The following PRKRA variants were observed in gnomAD, a reference collection of about 807,000 sequenced individuals.
The protein encoded by PRKRA is protein activator of interferon induced protein kinase EIF2AK2.
A neutral mutation model predicts 32.4 loss-of-function variants in PRKRA; 22 were observed. That is an observed-to-expected ratio of 0.68 (90% CI 0.49 to 0.97). The LOEUF (loss-of-function observed/expected upper bound fraction) is 0.97. Ranked by LOEUF, PRKRA falls within the 50% of genes least tolerant of loss-of-function variation. PRKRA has a pLI of 0.00. For synonymous variants in PRKRA, 139 were observed against 129.8 expected (o/e 1.07, Z -0.48); for missense variants, 319 against 375.6 (o/e 0.85, Z 1.25).
chr2:178,449,438 A>C (rs547989926), intron 2 of PRKRA, among the ~76,000 whole-genome samples: 3 of 152,210 alleles, frequency 2.0e-5, no homozygotes, highest in Non-Finnish European at 2.9e-5. Context: ...CTTCCTACTA[A>C]ATTTTTTTCT....
chr2:178,438,884 C>G (rs1170113072), intron 6 of PRKRA: 1 of 152,014 alleles, frequency 6.6e-6, no homozygotes, highest in Non-Finnish European at 1.5e-5. Flanking sequence ...GGGGTTTCAC[C>G]GCGTTAGCCA....
chr2:178,439,480 T>G (rs575148961), intron 6 of PRKRA: 1 of 152,230 alleles, frequency 6.6e-6, no homozygotes, highest in Non-Finnish European at 1.5e-5. Context: ...TCAGTTACCT[T>G]GATGAATTCT....
chr2:178,437,673 A>G (rs1402061770), intron 6 of PRKRA, among the ~76,000 whole-genome samples: 1 of 152,148 alleles, frequency 6.6e-6, no homozygotes, highest in Non-Finnish European at 1.5e-5. Flanking sequence ...TTATACTCCT[A>G]CCAACTGTCT....
chr2:178,431,612 A>G lies in PRKRA; in HGVS notation c.*485T>C, dbSNP rs1454725345. 1 of 171,184 alleles carries G rather than the reference A, an allele frequency of 5.8e-6. No homozygotes were observed. Among genetic ancestry groups the G allele is most frequent in the Non-Finnish European group, 1.3e-5 (1 of 78,072 alleles). The allele number at this position is 171,184 out of a possible 1,614,324, so 10.6% of individuals were successfully genotyped here. On this transcript the variant is annotated 3_prime_UTR_variant, in exon 8 of 8. Coordinates refer to ENST00000325748, the MANE Select transcript of PRKRA (RefSeq NM_003690.5). ...CATCGTAACAGTTCTTTGTTACATG[A>G]ATTCAAATACACAGCAGACCAATCA...
intron 7 of PRKRA, among the ~76,000 whole-genome samples, chr2:178,434,413 CA>C (rs779841334): frequency 1.6e-4 from 24 of 151,434 alleles, no homozygotes; most frequent in Non-Finnish European, 2.7e-4. Flanking sequence ...ACCTGGCCTC[CA>C]GCCTCTTTTC....
At chr2:178,438,681 GT>G (rs1175221285) in intron 6 of PRKRA, among the ~76,000 whole-genome samples, 1,647 of 143,572 alleles carry the variant, frequency 0.011, 23 homozygotes, top group African/African-American at 0.036. Flanking sequence ...ACGCTGGTAG[GT>G]TTTTTTTTTT....
intron 7 of PRKRA, among the ~76,000 whole-genome samples, chr2:178,434,670 C>T (rs1432140500): frequency 6.6e-6 from 1 of 152,120 alleles, no homozygotes; most frequent in African/African-American, 2.4e-5. Flanking sequence ...AGACAATGCA[C>T]TTCACCCGTC....
At position 178,451,154 on chromosome 2, in the gene PRKRA, G is replaced by A; in HGVS notation, c.-124C>T. 5 of 1,170,988 alleles carry A rather than the reference G, an allele frequency of 4.3e-6. No individual in the cohort carries two copies. The highest frequency in any genetic ancestry group is 5.9e-6 in the Non-Finnish European group (5 of 850,920). The allele number at this position is 1,170,988 out of a possible 1,614,324, so 72.5% of individuals were successfully genotyped here. On this transcript the variant is annotated 5_prime_UTR_variant, in exon 1 of 8. Transcript: ENST00000325748. ...ACCTCCTCCGACTCCCCCGCCTCCT[G>A]CTTGCGTTGCTCCAGCGAGGGGGCA...
chr2:178,447,264 C>G (rs1234780876), intron 3 of PRKRA: 3 of 555,718 alleles, frequency 5.4e-6, no homozygotes, highest in Non-Finnish European at 9.2e-6. Context: ...TGTTGTATCC[C>G]ATTAAAAAAA....
chr2:178,432,490 T>C (rs1045269062), intron 7 of PRKRA, among the ~76,000 whole-genome samples: 4 of 152,198 alleles, frequency 2.6e-5, no homozygotes, highest in African/African-American at 9.7e-5. Context: ...CATACAGATA[T>C]CTAGGCTGCA....
chr2:178,431,526 T>C lies in PRKRA; in HGVS notation c.*571A>G, dbSNP rs1464083749. 1.3e-5 allele frequency: 2 copies of C among 155,822 alleles called. No homozygotes were observed. The highest frequency in any genetic ancestry group is 4.8e-5 in the African/African-American group (2 of 41,442). 9.7% of individuals were successfully genotyped at this position (155,822 alleles called of 1,614,324 possible). A position where few individuals can be genotyped will look rare whatever the true frequency, so the allele number is the denominator to read the frequency against. ...ATCAACATTAAAATCTTATTCACAATGGCTAACAAGAACAGGATGACAGTC... is the reference window on the plus strand; with the variant it reads ...ATCAACATTAAAATCTTATTCACAACGGCTAACAAGAACAGGATGACAGTC... On this transcript the variant is annotated 3_prime_UTR_variant, in exon 8 of 8. Coordinates refer to ENST00000325748, the MANE Select transcript of PRKRA (RefSeq NM_003690.5).
At chr2:178,448,878 C>G (rs1458477396) in intron 2 of PRKRA, among the ~76,000 whole-genome samples, 1 of 152,072 alleles carries the variant, frequency 6.6e-6, no homozygotes, top group Non-Finnish European at 1.5e-5. Context: ...GATTGTGGAG[C>G]CTTTACATAG....
At chr2:178,444,751 T>C (rs1697253386) in intron 3 of PRKRA, among the ~76,000 whole-genome samples, 1 of 152,206 alleles carries the variant, frequency 6.6e-6, no homozygotes, top group South Asian at 2.1e-4. Context: ...TGAAACATTA[T>C]AACACATGGT....
At position 178,443,328 on chromosome 2, in the gene PRKRA, T is replaced by C. The variant is rs747906475; in HGVS notation, c.453A>G (p.Gly151=). The change falls in exon 5 of 8, where the codon GGA becomes GGG. Residue 151 remains glycine (G), a synonymous_variant. Coordinates refer to ENST00000325748, the MANE Select transcript of PRKRA (RefSeq NM_003690.5). ...RLPEYTLSQE[G]GPAHKREYTT... Reference sequence around the variant, plus strand: ...TATATTCTCTCTTATGAGCAGGTCCTCCCTCCTGGGAAAGGGTATATTCAG... The same window carrying C: ...TATATTCTCTCTTATGAGCAGGTCCCCCCTCCTGGGAAAGGGTATATTCAG... 8.7e-6 allele frequency: 14 copies of C among 1,613,472 alleles called. No individual in the cohort carries two copies. The highest frequency in any genetic ancestry group is 1.2e-5 in the Non-Finnish European group (14 of 1,179,426).
intron 7 of PRKRA, 150 bp from the exon 8 acceptor site, chr2:178,432,404 AC>A: frequency 2.2e-6 from 2 of 926,410 alleles, no homozygotes; most frequent in Non-Finnish European, 3.4e-6. Context: ...GCTTGTACAA[AC>A]AAAAAACCAC....
chr2:178,450,830 C>A, intron 1 of PRKRA, 136 bp downstream of exon 1: 1 of 1,365,044 alleles, frequency 7.3e-7, no homozygotes, highest in Non-Finnish European at 9.4e-7. Context: ...AGGGCGGGGC[C>A]GAGCACCCAC....
Position 178,431,700 on chromosome 2 carries a change from A to C in PRKRA, c.*397T>G, listed in dbSNP as rs1015786912. On this transcript the variant is annotated 3_prime_UTR_variant, in exon 8 of 8. Coordinates refer to ENST00000325748, the MANE Select transcript of PRKRA (RefSeq NM_003690.5). ...AGGCCTGTTAGTGCTGTCCCTCAAG[A>C]CTCTAATTCTAAAGGGCTTCCTTTG... The C allele has an allele frequency of 1.5e-5, 4 of 265,462 alleles. No homozygotes were observed. Among genetic ancestry groups the C allele is most frequent in the Non-Finnish European group, 2.9e-5 (4 of 136,282 alleles). 16.4% of individuals were successfully genotyped at this position (265,462 alleles called of 1,614,324 possible). A position where few individuals can be genotyped will look rare whatever the true frequency, so the allele number is the denominator to read the frequency against.
chr2:178,434,277 A>C (rs1309293223), intron 7 of PRKRA, among the ~76,000 whole-genome samples: 1 of 151,820 alleles, frequency 6.6e-6, no homozygotes, highest in Middle Eastern at 3.2e-3. Flanking sequence ...TGTCTGGCTA[A>C]TTTTTGTATT....
Position 178,451,018 on chromosome 2 carries a change from T to C in PRKRA, c.13A>G (p.Arg5Gly). Reference sequence around the variant, plus strand: ...AGCGGCGGGGCCTCGGCGCGGTGCCTGCTCTGGGACATGGCGAGAAGGGAC... The same window carrying C: ...AGCGGCGGGGCCTCGGCGCGGTGCCCGCTCTGGGACATGGCGAGAAGGGAC... MSQS[R>G]HRAEAPPLER... Residue 5 changes from arginine to glycine, a missense_variant, in exon 1 of 8, where the codon AGG becomes GGG. Transcript: ENST00000325748. 1 of 1,556,846 alleles carries C rather than the reference T, an allele frequency of 6.4e-7. No homozygotes were observed. The highest frequency in any genetic ancestry group is 8.6e-7 in the Non-Finnish European group (1 of 1,156,818).
Sources: gnomAD v4.1 joint callset for allele counts (sites outside exome capture counted in the v4.1 genomes callset) on GRCh38, gnomAD v4.1.1 for gene constraint, MANE v1.5 for transcripts, NCBI Gene and HGNC (gene_info 2026-07-23, HGNC 2026-07-21) for gene names.